TSC22D1: variants seen among roughly 807,000 people sequenced by gnomAD.
TSC22D1 encodes the protein TSC22 domain family protein 1.
TSC22D1 carries 9 observed loss-of-function variants against 74.2 expected under a neutral mutation model. That is an observed-to-expected ratio of 0.12 (90% CI 0.07 to 0.21). The LOEUF is 0.21. TSC22D1 is among the 10% of genes least tolerant of loss of function. TSC22D1 has a pLI of 1.00. For missense variants in TSC22D1, 1,427 were observed against 1,304.7 expected (o/e 1.09, Z -1.44); for synonymous variants, 586 against 492.5 (o/e 1.19, Z -2.51).
intron 1 of TSC22D1, among the ~76,000 whole-genome samples, chr13:44,507,202 C>A (rs1879485280): frequency 6.6e-6 from 1 of 152,098 alleles, no homozygotes. Flanking sequence ...AGGAACAGAA[C>A]TAAGGAGATA....
At chr13:44,530,451 T>C (rs1880772766) in intron 1 of TSC22D1, among the ~76,000 whole-genome samples, 1 of 150,248 alleles carries the variant, frequency 6.7e-6, no homozygotes, top group Non-Finnish European at 1.5e-5. Flanking sequence ...AAAAAAAATC[T>C]GTAGGATATA....
At chr13:44,509,950 C>CAAAAAAAAAAAAAAAAAAAAAAAT in intron 1 of TSC22D1, among the ~76,000 whole-genome samples, 5 of 51,430 alleles carry the variant, frequency 9.7e-5, no homozygotes, top group Admixed American at 2.7e-4. Flanking sequence ...AGAAAATAAG[C>CAAAAAAAAAAAAAAAAAAAAAAAT]AAAAAAAAAA....
chr13:44,457,028 G>C (rs1483852425), intron 1 of TSC22D1, among the ~76,000 whole-genome samples: 2 of 152,324 alleles, frequency 1.3e-5, no homozygotes, highest in African/African-American at 4.8e-5. Context: ...AGTACAATCT[G>C]TTCCATTATA....
chr13:44,572,507 A>C (rs2138248771), intron 1 of TSC22D1, among the ~76,000 whole-genome samples: 1 of 152,350 alleles, frequency 6.6e-6, no homozygotes, highest in Middle Eastern at 3.4e-3. Flanking sequence ...AATGTTCAGC[A>C]TACTATCAAG....
rs1291287347 is a variant in TSC22D1, at chr13:44,575,382, G to T, written c.693C>A (p.His231Gln). The T allele has an allele frequency of 2.5e-6, 4 of 1,614,044 alleles. No homozygotes were observed. Among genetic ancestry groups the T allele is most frequent in the Non-Finnish European group, 3.4e-6 (4 of 1,179,976 alleles). ...HHHHQIHHGH[H>Q]LQHGHHHPSH... The stretch of plus-strand genomic sequence containing the variant: ...ATGGATGGTGGTGACCATGTTGGAG[G>T]TGGTGCCCATGATGAATCTGATGGT... Residue 231 changes from histidine (H) to glutamine (Q), a missense_variant, in exon 1 of 3, where the codon CAC becomes CAA. By Grantham distance (24) the His-to-Gln change is conservative. Coordinates refer to ENST00000458659, the MANE Select transcript of TSC22D1 (RefSeq NM_183422.4).
intron 1 of TSC22D1, among the ~76,000 whole-genome samples, chr13:44,492,662 A>G (rs957835663): frequency 6.6e-6 from 1 of 152,200 alleles, no homozygotes; most frequent in African/African-American, 2.4e-5. Context: ...ACAAAAAAAA[A>G]TCACTCTAGT....
At chr13:44,536,940 A>AAAAAAAC in intron 1 of TSC22D1, 1 of 841,620 alleles carries the variant, frequency 1.2e-6, no homozygotes, top group African/African-American at 2.3e-5. Context: ...AAAAAAAAAA[A>AAAAAAAC]AAAAAAAAAA....
chr13:44,539,771 T>TG, intron 1 of TSC22D1: 1 of 1,279,900 alleles, frequency 7.8e-7, no homozygotes, highest in South Asian at 1.3e-5. Context: ...ACCCACTTGT[T>TG]TATTATCCTT....
chr13:44,549,379 T>C (rs1032321430), intron 1 of TSC22D1, among the ~76,000 whole-genome samples: 4 of 152,176 alleles, frequency 2.6e-5, no homozygotes, highest in Non-Finnish European at 5.9e-5. Context: ...TTATAACTTA[T>C]ACAGCAATTG....
At position 44,575,899 on chromosome 13, in the gene TSC22D1, G is replaced by A. The variant is rs760391914; in HGVS notation, c.176C>T (p.Pro59Leu). The change falls in exon 1 of 3, where the codon CCG (proline) becomes CTG (leucine). Residue 59 changes from proline to leucine, a missense_variant. Physicochemically the swap from Pro to Leu is moderately conservative, Grantham distance 98. Transcript: ENST00000458659. Reference sequence around the variant, plus strand: ...CGGCGGCTGAAGCAGCGACGGAGGCGGAAAATCCTCGGAAGATGTGGCATT... The same window carrying A: ...CGGCGGCTGAAGCAGCGACGGAGGCAGAAAATCCTCGGAAGATGTGGCATT... ...GSNATSSEDF[P>L]PPSLLQPPPP... 2.5e-6 allele frequency: 4 copies of A among 1,613,970 alleles called. No individual in the cohort carries two copies. Among genetic ancestry groups the A allele is most frequent in the African/African-American group, 1.3e-5 (1 of 75,022 alleles).
intron 1 of TSC22D1, among the ~76,000 whole-genome samples, chr13:44,557,881 A>AT (rs964500657): frequency 1.6e-3 from 238 of 152,210 alleles, no homozygotes; most frequent in African/African-American, 5.6e-3. Flanking sequence ...ATATTCACTT[A>AT]TTTTTCTGAA....
chr13:44,456,237 G>A (rs1025445479), intron 1 of TSC22D1, among the ~76,000 whole-genome samples: 3 of 152,220 alleles, frequency 2.0e-5, no homozygotes, highest in Non-Finnish European at 2.9e-5. Context: ...TTCCACGGCG[G>A]AGAAGAAGAC....
rs550324689 is a variant in TSC22D1, at chr13:44,552,913, G to T, written c.2912+20250C>A. 1.1e-4 allele frequency among the ~76,000 whole-genome samples: 17 copies of T among 152,282 alleles called. No homozygotes were observed. The East Asian group carries it at 3.1e-3, about 28-fold the overall frequency. ...TGAGGCAGGAGAATGGCGTGAACCCGGAAGGCGAAGCTTGCAGTGAGCCGC... is the reference window on the plus strand; with the variant it reads ...TGAGGCAGGAGAATGGCGTGAACCCTGAAGGCGAAGCTTGCAGTGAGCCGC... On this transcript the variant is annotated intron_variant, in intron 1 of 2. Coordinates refer to ENST00000458659, the MANE Select transcript of TSC22D1 (RefSeq NM_183422.4).
chr13:44,533,713 G>A (rs1162191149), intron 1 of TSC22D1, among the ~76,000 whole-genome samples: 1 of 152,198 alleles, frequency 6.6e-6, no homozygotes, highest in Non-Finnish European at 1.5e-5. Flanking sequence ...AACCCAGGAG[G>A]TGGTGGTTGC....
At chr13:44,536,030 G>A (rs1380086367) in intron 1 of TSC22D1, among the ~76,000 whole-genome samples, 2 of 151,524 alleles carry the variant, frequency 1.3e-5, no homozygotes, top group Admixed American at 6.6e-5. Context: ...CCTTTTAATA[G>A]CTTTAATTCT....
At chr13:44,471,290 T>G (rs1208969022) in intron 1 of TSC22D1, among the ~76,000 whole-genome samples, 1 of 152,210 alleles carries the variant, frequency 6.6e-6, no homozygotes, top group East Asian at 1.9e-4. Flanking sequence ...TGACATTAGC[T>G]AAAATGCACT....
At position 44,574,511 on chromosome 13, in the gene TSC22D1, A is replaced by T; in HGVS notation, c.1564T>A (p.Phe522Ile). 1 of 1,614,106 alleles carries T rather than the reference A, an allele frequency of 6.2e-7. No homozygotes were observed. ...ATACTCTGTGGACCAGTGCTACCAA[A>T]ATCCATCTGTTGGAGGGTCACACCT... Reference protein sequence around the residue: ...LQGVTLQQMDFGSTGPQSIPA... With the variant: ...LQGVTLQQMDIGSTGPQSIPA... The change falls in exon 1 of 3, where the codon TTT becomes ATT. Residue 522 changes from phenylalanine to isoleucine, a missense_variant. Phe to Ile is a conservative substitution (Grantham distance 21). Around this residue, in one of 3 missense-constraint regions of TSC22D1, gnomAD observed 1,343 missense variants for 1,191.5 expected, o/e 1.13. Coordinates refer to ENST00000458659, the MANE Select transcript of TSC22D1 (RefSeq NM_183422.4).
chr13:44,487,743 C>A (rs1437677130), intron 1 of TSC22D1, among the ~76,000 whole-genome samples: 1 of 151,522 alleles, frequency 6.6e-6, no homozygotes, highest in Non-Finnish European at 1.5e-5. Flanking sequence ...AAGAAGAAAA[C>A]ACAGTACACT....
chr13:44,461,337 C>A (rs1009879491), intron 1 of TSC22D1, among the ~76,000 whole-genome samples: 2 of 152,132 alleles, frequency 1.3e-5, no homozygotes, highest in African/African-American at 4.8e-5. Context: ...TTAGTGCCTA[C>A]CTGTGGTAAG....
Sources: allele counts gnomAD v4.1 joint callset (sites outside exome capture counted in the v4.1 genomes callset), GRCh38; gene constraint gnomAD v4.1.1; regional missense constraint gnomAD v4.1.1; transcripts MANE v1.5; gene names NCBI Gene and HGNC (gene_info 2026-07-23, HGNC 2026-07-21).